ANKRD33B: variants seen among roughly 807,000 people sequenced by gnomAD.
The protein encoded by ANKRD33B is ankyrin repeat domain-containing protein 33B.
Under a neutral mutation model 21.5 loss-of-function variants are expected in ANKRD33B, and 6 were observed. The observed-to-expected ratio is 0.28, with a 90% CI of 0.15 to 0.55. The LOEUF is 0.55. Among genes scored for constraint, ANKRD33B ranks in the 20% least tolerant of loss-of-function variants. The probability of loss-of-function intolerance (pLI) is 0.94; values close to 1 mark genes in which losing one functional copy is unlikely to be tolerated. For missense variants in ANKRD33B, 698 were observed against 747.2 expected, an observed-to-expected ratio of 0.93 and a Z score of 0.77; for synonymous variants, 347 against 342.4, an observed-to-expected ratio of 1.01 and a Z score of -0.15.
At chr5:10,622,794 CTTTAT>C (rs1159054792) in intron 2 of ANKRD33B, among the ~76,000 whole-genome samples, 1 of 78,606 alleles carries the variant, frequency 1.3e-5, no homozygotes, top group Admixed American at 1.0e-4. Context: ...TTTGTTTTTG[CTTTAT>C]TTTATTTTAT....
At chr5:10,587,167 A>C (rs1364774354) in intron 1 of ANKRD33B, among the ~76,000 whole-genome samples, 2 of 152,144 alleles carry the variant, frequency 1.3e-5, no homozygotes, top group Admixed American at 6.5e-5. Flanking sequence ...GACGCCCGCC[A>C]CCATGCCCGG....
chr5:10,618,819 G>A (rs1350469448), intron 2 of ANKRD33B, among the ~76,000 whole-genome samples: 3 of 152,198 alleles, frequency 2.0e-5, no homozygotes, highest in Non-Finnish European at 4.4e-5. Context: ...ACACAATCAT[G>A]TGTCTCAGTG....
intron 2 of ANKRD33B, among the ~76,000 whole-genome samples, chr5:10,633,483 C>T (rs1344737816): frequency 6.6e-6 from 1 of 152,248 alleles, no homozygotes; most frequent in Non-Finnish European, 1.5e-5. Flanking sequence ...CAGAGAATGC[C>T]TGTGTGCCTC....
intron 1 of ANKRD33B, among the ~76,000 whole-genome samples, chr5:10,577,222 C>A (rs544874719): frequency 6.6e-6 from 1 of 152,106 alleles, no homozygotes; most frequent in Non-Finnish European, 1.5e-5. Context: ...CTTTGCCTCC[C>A]GGGCTCAAGC....
chr5:10,583,354 T>C (rs1735485482), intron 1 of ANKRD33B, among the ~76,000 whole-genome samples: 3 of 152,244 alleles, frequency 2.0e-5, no homozygotes, highest in African/African-American at 7.2e-5. Context: ...CAGTTACATA[T>C]ACTATTTTGA....
intron 1 of ANKRD33B, among the ~76,000 whole-genome samples, chr5:10,586,331 A>G (rs2126556750): frequency 6.6e-6 from 1 of 152,322 alleles, no homozygotes; most frequent in Non-Finnish European, 1.5e-5. Flanking sequence ...TGACAGTTCA[A>G]GAGTTGTTTA....
At chr5:10,588,811 T>C (rs1179878196) in intron 1 of ANKRD33B, among the ~76,000 whole-genome samples, 2 of 152,250 alleles carry the variant, frequency 1.3e-5, no homozygotes, top group African/African-American at 4.8e-5. Context: ...ACGTTTGTCG[T>C]ATGCCATTGG....
intron 1 of ANKRD33B, among the ~76,000 whole-genome samples, chr5:10,603,451 CG>C (rs1289578690): frequency 6.6e-6 from 1 of 151,914 alleles, no homozygotes; most frequent in African/African-American, 2.4e-5. Flanking sequence ...TTAGTAGAGA[CG>C]GGGTTTTGCC....
intron 3 of ANKRD33B, among the ~76,000 whole-genome samples, chr5:10,647,532 G>GT (rs1737215923): frequency 6.6e-6 from 1 of 152,220 alleles, no homozygotes; most frequent in Admixed American, 6.5e-5. Flanking sequence ...TTGAGTTGAA[G>GT]TTTAACTTTG....
chr5:10,585,043 C>T (rs1278383531), intron 1 of ANKRD33B, among the ~76,000 whole-genome samples: 3 of 152,084 alleles, frequency 2.0e-5, no homozygotes, highest in Non-Finnish European at 4.4e-5. Context: ...AGCAGAGCAC[C>T]ATGGGGAGAG....
At chr5:10,585,411 C>G (rs1327450258) in intron 1 of ANKRD33B, among the ~76,000 whole-genome samples, 2 of 152,192 alleles carry the variant, frequency 1.3e-5, no homozygotes, top group Non-Finnish European at 2.9e-5. Context: ...GATCTGTGGT[C>G]CTTAACTTAG....
rs952415449 is a variant in ANKRD33B at position 10,617,541 on chromosome 5, G to A, written c.367-792G>A. Among the ~76,000 whole-genome samples the A allele has an allele frequency of 4.6e-5, 7 of 152,006 alleles. No homozygotes were observed. The East Asian group carries it at 7.7e-4, about 17-fold the overall frequency. On this transcript the variant is annotated intron_variant, in intron 1 of 3. Coordinates refer to ENST00000296657, the MANE Select transcript of ANKRD33B (RefSeq NM_001164440.2). ...CCCACCCTGGTGTGACACCATCCTTGCCTGCCTGGCCCCACAGTGGTCTCC... is the reference window on the plus strand; with the variant it reads ...CCCACCCTGGTGTGACACCATCCTTACCTGCCTGGCCCCACAGTGGTCTCC...
chr5:10,624,757 T>G (rs1736505710), intron 2 of ANKRD33B: 2 of 456,798 alleles, frequency 4.4e-6, no homozygotes, highest in East Asian at 1.4e-4. Context: ...CATAGTTTCC[T>G]TAGACACTGG....
At chr5:10,585,044 A>G (rs9791065) in intron 1 of ANKRD33B, among the ~76,000 whole-genome samples, 125,645 of 152,194 alleles carry the variant, frequency 0.83, 51,964 homozygotes, top group East Asian at 0.93. Context: ...GCAGAGCACC[A>G]TGGGGAGAGG....
At chr5:10,567,860 G>T (rs777121747) in intron 1 of ANKRD33B, among the ~76,000 whole-genome samples, 1 of 152,186 alleles carries the variant, frequency 6.6e-6, no homozygotes, top group Non-Finnish European at 1.5e-5. Context: ...GGCCCGGACA[G>T]CTTTGGTGCA....
intron 2 of ANKRD33B, among the ~76,000 whole-genome samples, chr5:10,629,182 A>G (rs1479232377): frequency 1.3e-5 from 2 of 152,204 alleles, no homozygotes; most frequent in Non-Finnish European, 2.9e-5. Flanking sequence ...TGGAGAATGA[A>G]TGGGGGCAGA....
chr5:10,649,324 T>C lies in ANKRD33B; in HGVS notation c.696T>C (p.Thr232=). 1 of 1,534,204 alleles carries C rather than the reference T, an allele frequency of 6.5e-7. No homozygotes were observed. The highest frequency in any genetic ancestry group is 8.7e-7 in the Non-Finnish European group (1 of 1,146,242). ...RRGMSPQEWA[T]YTGRVDAVRL... The stretch of plus-strand genomic sequence containing the variant: ...GGATGTCGCCGCAGGAGTGGGCCAC[T>C]TACACGGGCCGCGTGGATGCCGTCC... Residue 232 remains threonine (T), a synonymous_variant, in exon 4 of 4, where the codon ACT becomes ACC. Coordinates refer to ENST00000296657, the MANE Select transcript of ANKRD33B (RefSeq NM_001164440.2).
At chr5:10,622,946 A>G (rs1369426780) in intron 2 of ANKRD33B, among the ~76,000 whole-genome samples, 1 of 152,152 alleles carries the variant, frequency 6.6e-6, no homozygotes, top group African/African-American at 2.4e-5. Flanking sequence ...AAAGGGCTCC[A>G]GCTGATTTCC....
rs1161643381 is a variant in ANKRD33B at position 10,649,814 on chromosome 5, C to T, written c.1186C>T (p.Pro396Ser). 7.2e-7 allele frequency: 1 copy of T among 1,381,284 alleles called. No individual in the cohort carries two copies. Among genetic ancestry groups the T allele is most frequent in the Non-Finnish European group, 9.3e-7 (1 of 1,072,774 alleles). 85.6% of individuals were successfully genotyped at this position (1,381,284 alleles called of 1,614,324 possible). A position where few individuals can be genotyped will look rare whatever the true frequency, so the allele number is the denominator to read the frequency against. Residue 396 changes from proline (P) to serine (S), a missense_variant, in exon 4 of 4, where the codon CCC becomes TCC. Pro to Ser is a moderately conservative substitution (Grantham distance 74, BLOSUM62 -1). Coordinates refer to ENST00000296657, the MANE Select transcript of ANKRD33B (RefSeq NM_001164440.2). ...CCCTCCCGCCCTGGGGTCCCGGGGCCCCGCAGCGCCCGCCCCGCGGAAGGC... is the reference window on the plus strand; with the variant it reads ...CCCTCCCGCCCTGGGGTCCCGGGGCTCCGCAGCGCCCGCCCCGCGGAAGGC... ...GLPPALGSRG[P>S]AAPAPRKASL...
Sources: allele counts gnomAD v4.1 joint callset (sites outside exome capture counted in the v4.1 genomes callset), GRCh38; gene constraint gnomAD v4.1.1; transcripts MANE v1.5; gene names NCBI Gene and HGNC (gene_info 2026-07-23, HGNC 2026-07-21).